The following A2M variants were observed in gnomAD, a reference collection of about 807,000 sequenced individuals.
A2M encodes alpha-2-macroglobulin, also known as C3 and PZP-like alpha-2-macroglobulin domain-containing protein 5.
In A2M, 128 loss-of-function variants were observed where a neutral mutation model predicts 183.9. That is an observed-to-expected ratio of 0.70 (90% confidence interval 0.60 to 0.81). The LOEUF (loss-of-function observed/expected upper bound fraction) is 0.81. Ranked by LOEUF, A2M falls within the 30% of genes least tolerant of loss-of-function variation. The pLI is 0.00. For synonymous variants in A2M, 592 were observed against 670.8 expected, an observed-to-expected ratio of 0.88 and a Z score of 1.81; for missense variants, 1,495 against 1,787.6, an observed-to-expected ratio of 0.84 and a Z score of 2.95.
intron 2 of A2M, among the ~76,000 whole-genome samples, chr12:9,112,847 G>A (rs2137985177): frequency 6.6e-6 from 1 of 152,216 alleles, no homozygotes; most frequent in East Asian, 1.9e-4. Context: ...ATGCTAAAAG[G>A]GCATGGTCGA....
chr12:9,079,187 A>G (rs1488946194), intron 25 of A2M, 57 bp downstream of exon 25: 14 of 1,311,394 alleles, frequency 1.1e-5, no homozygotes, highest in African/African-American at 1.5e-5. Flanking sequence ...AATTGAGGTA[A>G]TACATGTAAA....
At chr12:9,104,092 TA>T in intron 11 of A2M, 146 bp downstream of exon 11, 1 of 805,466 alleles carries the variant, frequency 1.2e-6, no homozygotes, top group Non-Finnish European at 1.9e-6. Context: ...TCATAAACTT[TA>T]AAAAAGTTAA....
At chr12:9,112,669 T>C in intron 2 of A2M, 133 bp from the exon 3 acceptor site, 1 of 939,982 alleles carries the variant, frequency 1.1e-6, no homozygotes. Flanking sequence ...CAGGGAAAGT[T>C]GGCATGGACA....
chr12:9,068,685 T>G (rs1948468641), intron 34 of A2M, 55 bp downstream of exon 34: 1 of 1,391,688 alleles, frequency 7.2e-7, no homozygotes, highest in Non-Finnish European at 1.0e-6. Context: ...CTCCTAAACC[T>G]GAATTTCTGT....
intron 28 of A2M, among the ~76,000 whole-genome samples, chr12:9,075,550 C>G (rs1437854855): frequency 1.1e-4 from 17 of 152,144 alleles, no homozygotes; most frequent in Admixed American, 1.1e-3. Flanking sequence ...TCTGCACATA[C>G]TTGTATAGGG....
chr12:9,112,600 G>C, intron 2 of A2M, 64 bp from the exon 3 acceptor site: 1 of 1,570,704 alleles, frequency 6.4e-7, no homozygotes, highest in Non-Finnish European at 8.7e-7. Flanking sequence ...CCTATTTGCT[G>C]TTGCACTCTT....
chr12:9,081,851 G>A (rs1948916430), intron 22 of A2M, among the ~76,000 whole-genome samples: 1 of 152,208 alleles, frequency 6.6e-6, no homozygotes, highest in African/African-American at 2.4e-5. Flanking sequence ...AGCTCACAGT[G>A]ACCAGCATGT....
intron 10 of A2M, 127 bp from the exon 11 acceptor site, chr12:9,104,527 G>T: frequency 2.1e-6 from 2 of 942,282 alleles, no homozygotes; most frequent in Non-Finnish European, 2.9e-6. Flanking sequence ...GGACACAGCA[G>T]TGAAAAAAAA....
At position 9,079,784 on chromosome 12, in the gene A2M, T is replaced by A; in HGVS notation, c.2886A>T (p.Thr962=). Reference sequence around the variant, plus strand: ...CATAGGGCATCTGGAGAAGATTTTGTGTGTTTTGCATGGCAGAGCCTAATA... The same window carrying A: ...CATAGGGCATCTGGAGAAGATTTTGAGTGTTTTGCATGGCAGAGCCTAATA... ...GDILGSAMQN[T]QNLLQMPYGC... is the part of the protein sequence containing the mutation. Residue 962 remains threonine (T), a synonymous_variant, in exon 24 of 36, where the codon ACA becomes ACT. Transcript: ENST00000318602. The A allele has an allele frequency of 1.2e-6, 2 of 1,612,164 alleles. No individual in the cohort carries two copies. The highest frequency in any genetic ancestry group is 1.7e-6 in the Non-Finnish European group (2 of 1,179,206).
At chr12:9,075,208 A>AG (rs1393013445) in intron 28 of A2M, among the ~76,000 whole-genome samples, 1 of 152,230 alleles carries the variant, frequency 6.6e-6, no homozygotes, top group African/African-American at 2.4e-5. Context: ...TTAAATTGAA[A>AG]AAAAAAATAC....
chr12:9,075,407 A>G (rs1027083633), intron 28 of A2M, among the ~76,000 whole-genome samples: 1 of 152,224 alleles, frequency 6.6e-6, no homozygotes, highest in Non-Finnish European at 1.5e-5. Flanking sequence ...AAACAGGCAC[A>G]TGAGTATTCA....
rs761913074 is a variant in A2M at position 9,073,377 on chromosome 12, T to A, written c.3757-506A>T. 5.3e-5 allele frequency among the ~76,000 whole-genome samples: 8 copies of A among 152,338 alleles called. No individual in the cohort carries two copies. In the East Asian group the frequency reaches 1.5e-3, roughly 29 times the overall value. On this transcript the variant is annotated intron_variant, in intron 29 of 35. Coordinates refer to ENST00000318602, the MANE Select transcript of A2M (RefSeq NM_000014.6). ...TCCAAAAGAAATAAAAGATGAGTATTATAATTATCTTCTGGATTTAATGAC... is the reference window on the plus strand; with the variant it reads ...TCCAAAAGAAATAAAAGATGAGTATAATAATTATCTTCTGGATTTAATGAC...
chr12:9,115,910 A>G lies in A2M; in HGVS notation c.-61T>C, dbSNP rs976807778. On this transcript the variant is annotated 5_prime_UTR_variant, in exon 1 of 36. It removes an upstream start codon present in the reference 5' UTR. Coordinates refer to ENST00000318602, the MANE Select transcript of A2M (RefSeq NM_000014.6). ...TATTGTACCCTACTCCCTACAATCCATCTGGTCCCAAACACTTCCCAAAGC... is the reference window on the plus strand; with the variant it reads ...TATTGTACCCTACTCCCTACAATCCGTCTGGTCCCAAACACTTCCCAAAGC... 8 of 1,415,206 alleles carry G rather than the reference A, an allele frequency of 5.7e-6. No individual in the cohort carries two copies. Among genetic ancestry groups the G allele is most frequent in the African/African-American group, 1.4e-5 (1 of 70,754 alleles). The allele number at this position is 1,415,206 out of a possible 1,614,324, so 87.7% of individuals were successfully genotyped here.
chr12:9,070,301 C>T (rs188268021), intron 32 of A2M, among the ~76,000 whole-genome samples, 187 bp downstream of exon 32: 7 of 152,288 alleles, frequency 4.6e-5, no homozygotes, highest in Admixed American at 1.3e-4. Flanking sequence ...GTCATGGGTC[C>T]TAGCACAGTG....
chr12:9,094,882 G>A (rs930414573), intron 17 of A2M, 91 bp downstream of exon 17: 2 of 625,248 alleles, frequency 3.2e-6, no homozygotes, highest in African/African-American at 3.8e-5. Context: ...TGTCCTTTTT[G>A]TTTGTTAATT....
chr12:9,108,099 GTTTAT>G (rs150597149), intron 7 of A2M, among the ~76,000 whole-genome samples: 7,340 of 148,280 alleles, frequency 0.05, 294 homozygotes, highest in East Asian at 0.19. Context: ...AGTTTCACTT[GTTTAT>G]TTTATTTTAT....
In A2M at chr12:9,110,293, G is replaced by A. The variant is rs753966936; in HGVS notation, c.504+21C>T. 36 of 1,460,710 alleles carry A rather than the reference G, an allele frequency of 2.5e-5. No individual in the cohort carries two copies. The Admixed American group carries it at 2.7e-4, about 11-fold the overall frequency. The allele number at this position is 1,460,710 out of a possible 1,614,324, so 90.5% of individuals were successfully genotyped here. A position where few individuals can be genotyped will look rare whatever the true frequency, so the allele number is the denominator to read the frequency against. On this transcript the variant is annotated intron_variant, in intron 5 of 35. Coordinates refer to ENST00000318602, the MANE Select transcript of A2M (RefSeq NM_000014.6). The stretch of plus-strand genomic sequence containing the variant: ...ATATGTATTGCTTTCCTTTTAATAT[G>A]GAATGTTTCATGTTGCTTACCTGAA...
Position 9,106,244 on chromosome 12 carries a change from A to T in A2M, c.1096T>A (p.Phe366Ile). The change falls in exon 10 of 36, where the codon TTT becomes ATT. Residue 366 changes from phenylalanine (F) to isoleucine (I), a missense_variant. Transcript: ENST00000318602. ...ACTGGAAAATACTCCACCTGCCCAA[A>T]GAAGGGAATTCCCTGTCGAAAGTGT... is the stretch of plus-strand genomic sequence containing the variant. ...DSHFRQGIPF[F>I]GQVRLVDGKG... is the part of the protein sequence containing the mutation. 2 of 1,607,176 alleles carry T rather than the reference A, an allele frequency of 1.2e-6. No homozygotes were observed. The highest frequency in any genetic ancestry group is 1.7e-6 in the Non-Finnish European group (2 of 1,173,768).
At chr12:9,097,545 C>T (rs1949418337) in intron 15 of A2M, among the ~76,000 whole-genome samples, 1 of 151,780 alleles carries the variant, frequency 6.6e-6, no homozygotes, top group East Asian at 1.9e-4. Context: ...TTCAATTTCC[C>T]TAAGTTTTGT....
Sources: allele counts gnomAD v4.1 joint callset (sites outside exome capture counted in the v4.1 genomes callset), GRCh38; gene constraint gnomAD v4.1.1; transcripts MANE v1.5; gene names NCBI Gene and HGNC (gene_info 2026-07-23, HGNC 2026-07-21).